Variants in ENTHD1 observed in about 807,000 individuals in gnomAD.
ENTHD1 encodes the protein ENTH domain-containing protein 1.
ENTHD1 carries 23 observed loss-of-function variants against 39.1 expected under a neutral mutation model. The ratio of observed to expected loss-of-function variants is 0.59; its 90% CI spans 0.42 to 0.83. The LOEUF (loss-of-function observed/expected upper bound fraction) is 0.83. ENTHD1 is among the 40% of genes least tolerant of loss of function. The probability of loss-of-function intolerance (pLI) is 0.00; values close to 1 mark genes in which losing one functional copy is unlikely to be tolerated. For synonymous variants in ENTHD1, 230 were observed against 258.2 expected (o/e 0.89, Z 1.05); for missense variants, 624 against 705.4 (o/e 0.88, Z 1.31).
intron 5 of ENTHD1, among the ~76,000 whole-genome samples, chr22:39,805,506 G>C (rs1191233509): frequency 6.6e-6 from 1 of 152,216 alleles, no homozygotes; most frequent in Non-Finnish European, 1.5e-5. Flanking sequence ...GCAGGGCAGT[G>C]CTGCTAACGT....
At chr22:39,780,453 C>T (rs1471269089) in intron 5 of ENTHD1, among the ~76,000 whole-genome samples, 1 of 151,748 alleles carries the variant, frequency 6.6e-6, no homozygotes, top group Non-Finnish European at 1.5e-5. Context: ...GAAATAAACC[C>T]AACTATATGT....
chr22:39,832,370 G>A (rs952423613), intron 4 of ENTHD1, among the ~76,000 whole-genome samples: 3 of 152,026 alleles, frequency 2.0e-5, no homozygotes, highest in East Asian at 1.9e-4. Flanking sequence ...GGGCACCTAC[G>A]AAAGGAGAAT....
chr22:39,854,364 A>G (rs1215277163), intron 3 of ENTHD1, among the ~76,000 whole-genome samples: 1 of 152,244 alleles, frequency 6.6e-6, no homozygotes, highest in African/African-American at 2.4e-5. Flanking sequence ...TACATTTGAC[A>G]CAGACCAGAG....
At chr22:39,814,301 A>G (rs2065716443) in intron 5 of ENTHD1, among the ~76,000 whole-genome samples, 1 of 151,590 alleles carries the variant, frequency 6.6e-6, no homozygotes, top group Non-Finnish European at 1.5e-5. Flanking sequence ...TCTACAAAAA[A>G]AAAAAAAAAA....
intron 6 of ENTHD1, among the ~76,000 whole-genome samples, chr22:39,745,580 A>G (rs1458497254): frequency 6.6e-6 from 1 of 152,236 alleles, no homozygotes; most frequent in African/African-American, 2.4e-5. Flanking sequence ...CAGCAGGGAC[A>G]TGAAAAGGAA....
At chr22:39,789,446 G>A (rs2065486719) in intron 5 of ENTHD1, among the ~76,000 whole-genome samples, 1 of 152,138 alleles carries the variant, frequency 6.6e-6, no homozygotes, top group East Asian at 1.9e-4. Flanking sequence ...CATCACTGAT[G>A]TTTTAATTGG....
At chr22:39,755,630 A>C (rs989772799) in intron 6 of ENTHD1, among the ~76,000 whole-genome samples, 3 of 152,126 alleles carry the variant, frequency 2.0e-5, no homozygotes, top group Non-Finnish European at 4.4e-5. Flanking sequence ...CTTGTTCCTG[A>C]GCATAAAATG....
rs994486226 is a variant in ENTHD1 at position 39,765,220 on chromosome 22, C to T, written c.1219+3G>A. 6.3e-7 allele frequency: 1 copy of T among 1,579,016 alleles called. No individual in the cohort carries two copies. The highest frequency in any genetic ancestry group is 8.6e-7 in the Non-Finnish European group (1 of 1,162,804). ...TGTGTGTGTGTGTGTTTGGCAGACT[C>T]ACCCCGTGTGGTTGTCTTGAGGATT... is the stretch of plus-strand genomic sequence containing the variant. On this transcript the variant is annotated splice_donor_region_variant and intron_variant, in intron 6 of 6. Transcript: ENST00000325157.
chr22:39,747,164 T>C (rs1407942507), intron 6 of ENTHD1, among the ~76,000 whole-genome samples: 3 of 152,092 alleles, frequency 2.0e-5, no homozygotes, highest in Admixed American at 1.3e-4. Flanking sequence ...TTTTCTTGAA[T>C]TTTTTGTAGA....
intron 4 of ENTHD1, among the ~76,000 whole-genome samples, chr22:39,822,193 CTT>C (rs879460025): frequency 8.5e-6 from 1 of 117,748 alleles, no homozygotes; most frequent in Admixed American, 8.6e-5. Context: ...GCTGGTATGT[CTT>C]TTTTTTTTTC....
At chr22:39,888,677 C>G (rs1433879234) in intron 1 of ENTHD1, among the ~76,000 whole-genome samples, 1 of 152,142 alleles carries the variant, frequency 6.6e-6, no homozygotes, top group Non-Finnish European at 1.5e-5. Context: ...CCTTCCACCT[C>G]AGCCTCCCAA....
rs145441133 is a variant in ENTHD1 at position 39,854,142 on chromosome 22, G to T, written c.592+7623C>A. Reference sequence around the variant, plus strand: ...CACCGTGCACATCCTTGGGAAGTGGGAGAAAAGCAGAGAACATGGAGAAAG... The same window carrying T: ...CACCGTGCACATCCTTGGGAAGTGGTAGAAAAGCAGAGAACATGGAGAAAG... On this transcript the variant is annotated intron_variant, in intron 3 of 6. Coordinates refer to ENST00000325157, the MANE Select transcript of ENTHD1 (RefSeq NM_152512.4). 3.2e-3 allele frequency among the ~76,000 whole-genome samples: 480 copies of T among 152,292 alleles called. 4 individuals carry two copies. Among genetic ancestry groups the T allele is most frequent in the African/African-American group, 0.011 (461 of 41,572 alleles).
At chr22:39,880,855 C>T (rs2066331144) in intron 2 of ENTHD1, among the ~76,000 whole-genome samples, 1 of 152,128 alleles carries the variant, frequency 6.6e-6, no homozygotes, top group Non-Finnish European at 1.5e-5. Flanking sequence ...GGATCACATC[C>T]TTAATTCCTT....
At chr22:39,824,201 CTTTTTTTTTTTT>C (rs71197195) in intron 4 of ENTHD1, among the ~76,000 whole-genome samples, 7 of 71,444 alleles carry the variant, frequency 9.8e-5, no homozygotes, top group Non-Finnish European at 1.5e-4. Flanking sequence ...TTGTCCAGTT[CTTTTTTTTTTTT>C]TTTTTTTTTT....
rs11388421 is a variant in ENTHD1 at position 39,812,015 on chromosome 22, C to CAAA, written c.832+8975_832+8977dup. 1.6e-5 allele frequency among the ~76,000 whole-genome samples: 2 copies of CAAA among 123,348 alleles called. 1 individual carries two copies. Among genetic ancestry groups the CAAA allele is most frequent in the South Asian group, 4.9e-4 (2 of 4,122 alleles). 80.9% of individuals were successfully genotyped at this position (123,348 alleles called of 152,430 possible). A position where few individuals can be genotyped will look rare whatever the true frequency, so the allele number is the denominator to read the frequency against. ...AAACAAAAACAAACAAACAAACAAACAAAAAAAAAACGACATAGATGAAAC... is the reference window on the plus strand; with the variant it reads ...AAACAAAAACAAACAAACAAACAAACAAAAAAAAAAAAACGACATAGATGAAAC... On this transcript the variant is annotated intron_variant, in intron 5 of 6. Coordinates refer to ENST00000325157, the MANE Select transcript of ENTHD1 (RefSeq NM_152512.4).
At chr22:39,881,390 T>C (rs903681970) in intron 2 of ENTHD1, among the ~76,000 whole-genome samples, 11 of 145,734 alleles carry the variant, frequency 7.5e-5, no homozygotes, top group Admixed American at 1.4e-4. Context: ...AATTCAGAGA[T>C]ATATCACCTG....
chr22:39,767,639 G>GAAAA (rs547779626), intron 5 of ENTHD1, among the ~76,000 whole-genome samples: 102 of 152,124 alleles, frequency 6.7e-4, no homozygotes, highest in Admixed American at 1.6e-3. Context: ...TTACATGTGA[G>GAAAA]AAAAACAAGA....
At chr22:39,869,807 A>G (rs533269437) in intron 2 of ENTHD1, among the ~76,000 whole-genome samples, 8 of 151,986 alleles carry the variant, frequency 5.3e-5, no homozygotes, top group Non-Finnish European at 1.2e-4. Flanking sequence ...GGAATATAAA[A>G]GTATAAAACA....
chr22:39,887,335 C>G, intron 2 of ENTHD1, 65 bp downstream of exon 2: 1 of 1,404,888 alleles, frequency 7.1e-7, no homozygotes, highest in South Asian at 1.4e-5. Flanking sequence ...CCTCAGCCTC[C>G]CATGCACCAG....
Sources: gnomAD v4.1 joint callset for allele counts (sites outside exome capture counted in the v4.1 genomes callset) on GRCh38, gnomAD v4.1.1 for gene constraint, MANE v1.5 for transcripts, NCBI Gene and HGNC (gene_info 2026-07-23, HGNC 2026-07-21) for gene names.